Variants in RIMS2 observed in about 807,000 individuals in gnomAD.
RIMS2 encodes regulating synaptic membrane exocytosis protein 2.
RIMS2 carries 59 observed loss-of-function variants against 174.4 expected under a neutral mutation model. The observed-to-expected ratio is 0.34, with a 90% confidence interval of 0.27 to 0.42. The LOEUF is 0.42. Among genes scored for constraint, RIMS2 ranks in the 10% least tolerant of loss-of-function variants. The pLI, the probability that RIMS2 is intolerant of heterozygous loss-of-function variation, is 1.00. For missense variants in RIMS2, 1,620 were observed against 1,666.3 expected (o/e 0.97, Z 0.48); for synonymous variants, 606 against 572.5 (o/e 1.06, Z -0.84).
intron 19 of RIMS2, among the ~76,000 whole-genome samples, chr8:104,232,175 G>T (rs1165770662): frequency 6.6e-6 from 1 of 152,164 alleles, no homozygotes. Context: ...AACATGTAGT[G>T]AATGAATAAA....
chr8:104,040,344 A>G (rs925696488), intron 19 of RIMS2, among the ~76,000 whole-genome samples: 1 of 151,658 alleles, frequency 6.6e-6, no homozygotes, highest in Non-Finnish European at 1.5e-5. Context: ...TTTGTGGCAT[A>G]TTGTTCATCT....
At chr8:104,167,992 T>G (rs2511638) in intron 19 of RIMS2, among the ~76,000 whole-genome samples, 42,306 of 152,108 alleles carry the variant, frequency 0.28, 6,210 homozygotes, top group South Asian at 0.44. Context: ...TTGGCTTTAT[T>G]CCTGGGTTCT....
chr8:103,719,318 A>G (rs2097416643), intron 2 of RIMS2, among the ~76,000 whole-genome samples: 1 of 152,218 alleles, frequency 6.6e-6, no homozygotes, highest in African/African-American at 2.4e-5. Context: ...ACCGGTAGTC[A>G]ATGTTTTTTT....
At chr8:104,110,982 C>T (rs1490033207) in intron 19 of RIMS2, among the ~76,000 whole-genome samples, 2 of 152,034 alleles carry the variant, frequency 1.3e-5, no homozygotes, top group African/African-American at 4.8e-5. Context: ...AAACTTTGGC[C>T]TCTATTCTTT....
chr8:103,969,595 G>A (rs1273694090), intron 15 of RIMS2, among the ~76,000 whole-genome samples: 1 of 152,004 alleles, frequency 6.6e-6, no homozygotes, highest in East Asian at 1.9e-4. Flanking sequence ...ATCTATTCCT[G>A]CAGGCTGTCC....
intron 13 of RIMS2, among the ~76,000 whole-genome samples, chr8:103,940,906 G>A (rs1030551357): frequency 1.3e-5 from 2 of 149,622 alleles, no homozygotes; most frequent in South Asian, 2.1e-4. Flanking sequence ...AAAATCCCTT[G>A]TGTGACCTTT....
Position 103,854,205 on chromosome 8 carries a change from A to C in RIMS2, c.699-31093A>C, listed in dbSNP as rs541621204. 4.5e-4 allele frequency among the ~76,000 whole-genome samples: 68 copies of C among 152,104 alleles called. 1 individual carries two copies. In the South Asian group the frequency reaches 0.012, roughly 27 times the overall value. On this transcript the variant is annotated intron_variant, in intron 3 of 23. Transcript: ENST00000504942. The stretch of plus-strand genomic sequence containing the variant: ...CTGGACATTATTGGTGTATAGAAAT[A>C]TGACTAATTTTTTACATTGATTTTG...
intron 3 of RIMS2, among the ~76,000 whole-genome samples, chr8:103,814,049 A>G (rs2098704317): frequency 6.6e-6 from 1 of 152,226 alleles, no homozygotes; most frequent in Non-Finnish European, 1.5e-5. Flanking sequence ...AATATACGCC[A>G]TGGAATACTA....
At chr8:104,251,495 G>A (rs2140316620) in intron 23 of RIMS2, 107 bp from the exon 30 acceptor site, 2 of 703,496 alleles carry the variant, frequency 2.8e-6, no homozygotes, top group South Asian at 1.8e-5. Flanking sequence ...CTTGATCTTT[G>A]ATGTCAGAAA....
At chr8:103,895,616 C>A (rs1233955837) in intron 4 of RIMS2, among the ~76,000 whole-genome samples, 4 of 151,536 alleles carry the variant, frequency 2.6e-5, no homozygotes, top group Admixed American at 6.6e-5. Flanking sequence ...TAGTCCGTGG[C>A]AGTCAGTTTC....
intron 1 of RIMS2, 40 bp from the exon 3 acceptor site, chr8:103,652,584 C>A: frequency 2.8e-6 from 3 of 1,070,096 alleles, no homozygotes; most frequent in Non-Finnish European, 3.9e-6. Flanking sequence ...CATTGTTATT[C>A]ATTTGGTTAT....
At chr8:104,032,991 G>T (rs371121157) in intron 19 of RIMS2, among the ~76,000 whole-genome samples, 3 of 151,828 alleles carry the variant, frequency 2.0e-5, no homozygotes, top group East Asian at 3.9e-4. Context: ...TACAATTGTA[G>T]TAAGTGCTAT....
intron 19 of RIMS2, among the ~76,000 whole-genome samples, chr8:104,243,849 C>G (rs2099316240): frequency 6.6e-6 from 1 of 152,136 alleles, no homozygotes; most frequent in South Asian, 2.1e-4. Context: ...GCTTTGGTAG[C>G]CTCTCAACTT....
At chr8:104,131,285 AGAG>A (rs1352028456) in intron 19 of RIMS2, among the ~76,000 whole-genome samples, 1 of 152,164 alleles carries the variant, frequency 6.6e-6, no homozygotes, top group Non-Finnish European at 1.5e-5. Context: ...GGGCAAGGCT[AGAG>A]GCAGAGATAG....
intron 3 of RIMS2, among the ~76,000 whole-genome samples, chr8:103,873,599 T>C (rs2099122398): frequency 6.6e-6 from 1 of 152,128 alleles, no homozygotes; most frequent in Admixed American, 6.6e-5. Context: ...TGGTTTGTTG[T>C]TATCTCTTTC....
intron 19 of RIMS2, among the ~76,000 whole-genome samples, chr8:104,097,167 T>C (rs2097776918): frequency 6.6e-6 from 1 of 152,174 alleles, no homozygotes; most frequent in Non-Finnish European, 1.5e-5. Flanking sequence ...CCAGAAGTGT[T>C]TCAGAGTTCG....
exon 23 of RIMS2, chr8:104,251,145 A>T (rs2099357891): frequency 6.2e-7 from 1 of 1,612,066 alleles, no homozygotes; most frequent in African/African-American, 1.3e-5. Flanking sequence ...AAGAGAGTCC[A>T]CAAGGAAAAG....
rs1194390381 is a variant in RIMS2, at chr8:103,783,903, A to G, written c.698+17366A>G. Among the ~76,000 whole-genome samples the G allele has an allele frequency of 1.8e-4, 27 of 152,062 alleles. No individual in the cohort carries two copies. The South Asian group carries it at 4.6e-3, about 26-fold the overall frequency. Reference sequence around the variant, plus strand: ...CCACCAACAGTGTAAAAGTGTCCCTATTTCTCCACATCCTCTCCAGCACCT... The same window carrying G: ...CCACCAACAGTGTAAAAGTGTCCCTGTTTCTCCACATCCTCTCCAGCACCT... On this transcript the variant is annotated intron_variant, in intron 3 of 23. Coordinates refer to ENST00000504942, the Ensembl canonical transcript of RIMS2.
intron 3 of RIMS2, among the ~76,000 whole-genome samples, chr8:103,802,414 A>G (rs546374307): frequency 1.3e-5 from 2 of 152,236 alleles, no homozygotes; most frequent in African/African-American, 2.4e-5. Flanking sequence ...TATTAATGCT[A>G]TATGCTGACT....
Sources: allele counts gnomAD v4.1 joint callset (sites outside exome capture counted in the v4.1 genomes callset), GRCh38; gene constraint gnomAD v4.1.1; transcripts MANE v1.5; gene names NCBI Gene and HGNC (gene_info 2026-07-23, HGNC 2026-07-21).